Variants in PTP4A3 observed in about 807,000 individuals in gnomAD.
The protein encoded by PTP4A3 is protein tyrosine phosphatase type IVA 3.
Under a neutral mutation model 15.2 loss-of-function variants are expected in PTP4A3, and 9 were observed. The observed-to-expected ratio is 0.59, with a 90% CI of 0.36 to 1.03. The LOEUF (loss-of-function observed/expected upper bound fraction) is 1.03. Among genes scored for constraint, PTP4A3 ranks in the 50% least tolerant of loss-of-function variants. The probability of loss-of-function intolerance (pLI) is 0.02; values close to 1 mark genes in which losing one functional copy is unlikely to be tolerated. For synonymous variants in PTP4A3, 95 were observed against 102.0 expected, an observed-to-expected ratio of 0.93 and a Z score of 0.41; for missense variants, 234 against 252.1, an observed-to-expected ratio of 0.93 and a Z score of 0.49.
chr8:141,423,463 G>C (rs376432396), intron 2 of PTP4A3, among the ~76,000 whole-genome samples: 1 of 152,144 alleles, frequency 6.6e-6, no homozygotes, highest in East Asian at 1.9e-4. Context: ...CAGGATCAGG[G>C]CTCTGTGTGA....
rs141986724 is a variant in PTP4A3 at position 141,400,338 on chromosome 8, C to G, written c.-854+8254C>G. Among the ~76,000 whole-genome samples, 1,221 of 152,368 alleles carry G rather than the reference C, an allele frequency of 8.0e-3. 8 individuals carry two copies. Among genetic ancestry groups the G allele is most frequent in the African/African-American group, 0.021 (854 of 41,582 alleles). On this transcript the variant is annotated intron_variant, in intron 1 of 5. Coordinates refer to ENST00000521578, the MANE Select transcript of PTP4A3 (RefSeq NM_032611.3). ...AAACGTGGTTATTGTTTTAGACACA[C>G]ATTTGGTGATGTTCATTATAAAAAT...
intron 1 of PTP4A3, among the ~76,000 whole-genome samples, chr8:141,408,980 G>A (rs944080218): frequency 2.0e-5 from 3 of 152,252 alleles, no homozygotes; most frequent in Non-Finnish European, 4.4e-5. Flanking sequence ...GCCGTGTAGT[G>A]TCACCACGCC....
intron 1 of PTP4A3, among the ~76,000 whole-genome samples, chr8:141,393,573 G>T (rs752615552): frequency 3.9e-5 from 6 of 152,236 alleles, no homozygotes; most frequent in Non-Finnish European, 8.8e-5. Context: ...ACAGGCCCCC[G>T]CAGGCAGTCG....
At chr8:141,399,724 T>C (rs1832538362) in intron 1 of PTP4A3, among the ~76,000 whole-genome samples, 1 of 152,204 alleles carries the variant, frequency 6.6e-6, no homozygotes, top group South Asian at 2.1e-4. Context: ...CCTGGTGGCA[T>C]GCCCTTTACT....
At chr8:141,415,930 C>T (rs986921737) in intron 1 of PTP4A3, among the ~76,000 whole-genome samples, 4 of 151,986 alleles carry the variant, frequency 2.6e-5, no homozygotes, top group East Asian at 3.9e-4. Flanking sequence ...CCTGGCCCCC[C>T]TAGCAATGGG....
chr8:141,417,394 C>A (rs1001491286), intron 1 of PTP4A3, among the ~76,000 whole-genome samples: 1 of 152,116 alleles, frequency 6.6e-6, no homozygotes, highest in Non-Finnish European at 1.5e-5. Context: ...AGTGCCCGGG[C>A]GGTGGGGCTG....
rs1833905990 is a variant in PTP4A3 at position 141,432,254 on chromosome 8, A to G, written c.*1210A>G. 1 of 152,162 alleles carries G rather than the reference A, an allele frequency of 6.6e-6. No individual in the cohort carries two copies. Among genetic ancestry groups the G allele is most frequent in the African/African-American group, 2.4e-5 (1 of 41,398 alleles). 9.4% of individuals were successfully genotyped at this position (152,162 alleles called of 1,614,324 possible). ...GGCAGGTGCTGGAGGAGGTCAGTGG[A>G]CAAGATGGGGAGATGTGGAAACCCC... is the stretch of plus-strand genomic sequence containing the variant. On this transcript the variant is annotated 3_prime_UTR_variant, in exon 6 of 6. Transcript: ENST00000521578.
chr8:141,406,005 G>T lies in PTP4A3; in HGVS notation c.-854+13921G>T, dbSNP rs550943446. On this transcript the variant is annotated intron_variant, in intron 1 of 5. Coordinates refer to ENST00000521578, the MANE Select transcript of PTP4A3 (RefSeq NM_032611.3). The surrounding 1 kb of genome is among the most constrained non-coding windows in gnomAD (Gnocchi z 4.5). ...GGTCAGAGGGCAGGGAGCAGCTCGC[G>T]TGGGGCCTTTAGGGCGATAAGGATT... Among the ~76,000 whole-genome samples, 2 of 152,266 alleles carry T rather than the reference G, an allele frequency of 1.3e-5. No individual in the cohort carries two copies. Among genetic ancestry groups the T allele is most frequent in the Non-Finnish European group, 2.9e-5 (2 of 68,010 alleles).
chr8:141,410,457 G>T (rs1410422543), intron 1 of PTP4A3, among the ~76,000 whole-genome samples: 1 of 152,220 alleles, frequency 6.6e-6, no homozygotes, highest in East Asian at 1.9e-4. Flanking sequence ...CTCCCCTGAG[G>T]GTTCTGAGGC....
At chr8:141,412,615 C>T (rs1832899365) in intron 1 of PTP4A3, among the ~76,000 whole-genome samples, 1 of 152,214 alleles carries the variant, frequency 6.6e-6, no homozygotes, top group South Asian at 2.1e-4. Context: ...GGCCTGGCTC[C>T]ATCCAGGCAG....
At position 141,425,207 on chromosome 8, in the gene PTP4A3, G is replaced by A. The variant is rs1418422086; in HGVS notation, c.198+67G>A. On this transcript the variant is annotated intron_variant, in intron 3 of 5. Coordinates refer to ENST00000521578, the MANE Select transcript of PTP4A3 (RefSeq NM_032611.3). This position sits in a 1 kb window ranked among gnomAD's most constrained non-coding sequence, Gnocchi z 4.2. ...GGGGGAGGGTGGGGCGGGGGGCTCC[G>A]GGCCTGCGCAGAGGGTTTGGTGCCC... is the stretch of plus-strand genomic sequence containing the variant. 6.4e-6 allele frequency: 9 copies of A among 1,411,182 alleles called. No individual in the cohort carries two copies. The highest frequency in any genetic ancestry group is 4.8e-5 in the East Asian group (2 of 41,838). The allele number at this position is 1,411,182 out of a possible 1,614,324, so 87.4% of individuals were successfully genotyped here. A position where few individuals can be genotyped will look rare whatever the true frequency, so the allele number is the denominator to read the frequency against.
intron 1 of PTP4A3, among the ~76,000 whole-genome samples, chr8:141,412,423 G>C (rs1832894837): frequency 6.6e-6 from 1 of 152,212 alleles, no homozygotes; most frequent in African/African-American, 2.4e-5. Flanking sequence ...AAGGTGCTGG[G>C]TGGGGTGTGA....
At chr8:141,423,029 G>T (rs768618380) in intron 2 of PTP4A3, among the ~76,000 whole-genome samples, 4 of 152,222 alleles carry the variant, frequency 2.6e-5, no homozygotes, top group Admixed American at 6.5e-5. Flanking sequence ...GTCTGCAGTT[G>T]TGTGCGGGGC....
At chr8:141,400,197 A>T (rs1180577472) in intron 1 of PTP4A3, among the ~76,000 whole-genome samples, 2 of 151,616 alleles carry the variant, frequency 1.3e-5, no homozygotes, top group African/African-American at 4.8e-5. Context: ...CCGGCCCACC[A>T]CTGTGCCTGG....
chr8:141,401,839 G>A (rs1040522466), intron 1 of PTP4A3, among the ~76,000 whole-genome samples: 9 of 152,128 alleles, frequency 5.9e-5, no homozygotes, highest in African/African-American at 2.2e-4. Flanking sequence ...CATTTACCGA[G>A]CGCATCCATC....
At chr8:141,430,389 C>T (rs113155190) in intron 5 of PTP4A3, among the ~76,000 whole-genome samples, 2 of 102,464 alleles carry the variant, frequency 2.0e-5, no homozygotes, top group East Asian at 3.0e-4. Context: ...GCACAGCCCA[C>T]GTCCCCGCTG....
Position 141,430,995 on chromosome 8 carries a change from T to C in PTP4A3, c.473T>C (p.Leu158Pro). Residue 158 changes from leucine (L) to proline (P), a missense_variant, in exon 6 of 6, where the codon CTG (leucine) becomes CCG (proline). Transcript: ENST00000521578. ...GAGAAATACCGGCCCAAACAGAGGCTGCGGTTCAAAGACCCACACACGCAC... is the reference window on the plus strand; with the variant it reads ...GAGAAATACCGGCCCAAACAGAGGCCGCGGTTCAAAGACCCACACACGCAC... ...YLEKYRPKQR[L>P]RFKDPHTHKT... 1 of 1,613,316 alleles carries C rather than the reference T, an allele frequency of 6.2e-7. No individual in the cohort carries two copies. Among genetic ancestry groups the C allele is most frequent in the Non-Finnish European group, 8.5e-7 (1 of 1,179,976 alleles).
intron 1 of PTP4A3, among the ~76,000 whole-genome samples, chr8:141,404,774 G>A (rs186995787): frequency 1.3e-4 from 20 of 152,270 alleles, no homozygotes; most frequent in Non-Finnish European, 2.2e-4. Context: ...TGGGGAAGTA[G>A]GAGTGGCAGC....
Position 141,425,199 on chromosome 8 carries a change from G to GGGGGGGGGGGGGGGGCGGC in PTP4A3, c.198+62_198+63insGGGGGGGGGGGGCGGCGGG. ...CTGCCACCGGGGGAGGGTGGGGCGG[G>GGGGGGGGGGGGGGGGCGGC]GGGCTCCGGGCCTGCGCAGAGGGTT... On this transcript the variant is annotated intron_variant, in intron 3 of 5. Coordinates refer to ENST00000521578, the MANE Select transcript of PTP4A3 (RefSeq NM_032611.3). This position sits in a 1 kb window ranked among gnomAD's most constrained non-coding sequence, Gnocchi z 4.2. 2 of 844,216 alleles carry GGGGGGGGGGGGGGGGCGGC rather than the reference G, an allele frequency of 2.4e-6. No homozygotes were observed. The highest frequency in any genetic ancestry group is 1.7e-5 in the African/African-American group (1 of 60,054). 52.3% of individuals were successfully genotyped at this position (844,216 alleles called of 1,614,324 possible).
Sources: allele counts gnomAD v4.1 joint callset (sites outside exome capture counted in the v4.1 genomes callset), GRCh38; gene constraint gnomAD v4.1.1; non-coding constraint Gnocchi (gnomAD v3.1); transcripts MANE v1.5; gene names NCBI Gene and HGNC (gene_info 2026-07-23, HGNC 2026-07-21).